The following LRP5 variants were observed in gnomAD, a reference collection of about 807,000 sequenced individuals.
LRP5 encodes low-density lipoprotein receptor-related protein 5.
LRP5 carries 62 observed loss-of-function variants against 154.1 expected under a neutral mutation model. The observed-to-expected ratio is 0.40, with a 90% CI of 0.33 to 0.50. The LOEUF (loss-of-function observed/expected upper bound fraction) is 0.50, where lower values mean the gene tolerates loss of function less well. Among genes scored for constraint, LRP5 ranks in the 20% least tolerant of loss-of-function variants. The pLI, the probability that LRP5 is intolerant of heterozygous loss-of-function variation, is 0.55. For missense variants in LRP5, 1,915 were observed against 2,336.7 expected, an observed-to-expected ratio of 0.82 and a Z score of 3.72; for synonymous variants, 966 against 1,011.5, an observed-to-expected ratio of 0.96 and a Z score of 0.85.
chr11:68,397,051 T>C (rs1331819969), intron 7 of LRP5, among the ~76,000 whole-genome samples: 1 of 152,144 alleles, frequency 6.6e-6, no homozygotes, highest in Non-Finnish European at 1.5e-5. Context: ...TTAGCCCTCT[T>C]CCTGAGTCTA....
At chr11:68,349,769 C>G (rs2098616739) in intron 2 of LRP5, among the ~76,000 whole-genome samples, 1 of 152,174 alleles carries the variant, frequency 6.6e-6, no homozygotes, top group Admixed American at 6.5e-5. Flanking sequence ...GACTCCCGAG[C>G]AGAGGGAACA....
At chr11:68,389,607 G>A (rs1399420353) in intron 6 of LRP5, among the ~76,000 whole-genome samples, 3 of 120,724 alleles carry the variant, frequency 2.5e-5, no homozygotes, top group Non-Finnish European at 5.9e-5. Flanking sequence ...TACCGACACC[G>A]ACATTTACCG....
At chr11:68,321,012 G>A (rs184963957) in intron 1 of LRP5, among the ~76,000 whole-genome samples, 262 of 150,050 alleles carry the variant, frequency 1.7e-3, no homozygotes, top group African/African-American at 6.0e-3. Context: ...TTTCTTCCAG[G>A]ACTGTTACTG....
At chr11:68,312,898 C>A in intron 1 of LRP5, 93 bp downstream of exon 1, 2 of 691,398 alleles carry the variant, frequency 2.9e-6, no homozygotes, top group Non-Finnish European at 3.6e-6. Context: ...GCCGCCGTCT[C>A]GGAAGCGACT....
At chr11:68,396,453 C>T (rs1451982304) in intron 7 of LRP5, among the ~76,000 whole-genome samples, 1 of 152,168 alleles carries the variant, frequency 6.6e-6, no homozygotes, top group Non-Finnish European at 1.5e-5. Flanking sequence ...TAGCCGGGCT[C>T]TGCCTTTGAA....
intron 20 of LRP5, 113 bp from the exon 21 acceptor site, chr11:68,439,664 C>A: frequency 8.6e-7 from 1 of 1,168,124 alleles, no homozygotes. Flanking sequence ...CAGGACACAC[C>A]GCCCTGGTCT....
At chr11:68,366,967 G>A (rs2098631419) in intron 5 of LRP5, among the ~76,000 whole-genome samples, 1 of 150,656 alleles carries the variant, frequency 6.6e-6, no homozygotes, top group Non-Finnish European at 1.5e-5. Flanking sequence ...ACAGAATCCC[G>A]GGCCTCTGGC....
At chr11:68,372,382 T>C (rs2098634591) in intron 5 of LRP5, among the ~76,000 whole-genome samples, 1 of 68,976 alleles carries the variant, frequency 1.4e-5, no homozygotes, top group Non-Finnish European at 2.8e-5. Context: ...CCCGGGACCG[T>C]GGTGGTGTTG....
In LRP5 at chr11:68,318,972, C is replaced by T. The variant is rs534326704; in HGVS notation, c.91+6167C>T. On this transcript the variant is annotated intron_variant, in intron 1 of 22. Transcript: ENST00000294304. ...GCACGGAGCTTCACGTTTTTTCTCCCTTCAGGATCCTGAGGCCTCTGGATC... is the reference window on the plus strand; with the variant it reads ...GCACGGAGCTTCACGTTTTTTCTCCTTTCAGGATCCTGAGGCCTCTGGATC... 9.8e-5 allele frequency among the ~76,000 whole-genome samples: 15 copies of T among 152,336 alleles called. 1 individual carries two copies. Among genetic ancestry groups the T allele is most frequent in the African/African-American group, 3.6e-4 (15 of 41,572 alleles).
intron 7 of LRP5, among the ~76,000 whole-genome samples, chr11:68,401,735 C>T (rs1176446195): frequency 6.6e-6 from 1 of 152,148 alleles, no homozygotes; most frequent in Non-Finnish European, 1.5e-5. Flanking sequence ...GTCACCCAGG[C>T]TGGAGTGCAA....
chr11:68,314,047 C>T (rs758358633), intron 1 of LRP5, among the ~76,000 whole-genome samples: 2 of 152,318 alleles, frequency 1.3e-5, no homozygotes, highest in Non-Finnish European at 2.9e-5. Context: ...AGCGTGTTTA[C>T]ATTGTGGGGC....
Position 68,410,136 on chromosome 11 carries a change from A to G in LRP5, c.2314A>G (p.Lys772Glu). 1.2e-6 allele frequency: 2 copies of G among 1,613,396 alleles called. No homozygotes were observed. Among genetic ancestry groups the G allele is most frequent in the Non-Finnish European group, 1.7e-6 (2 of 1,179,780 alleles). Reference sequence around the variant, plus strand: ...GAGGTCGCTGGCCCTGGATCCCACCAAGGGGTAAGTGTTTGCCTGTCCCGT... The same window carrying G: ...GAGGTCGCTGGCCCTGGATCCCACCGAGGGGTAAGTGTTTGCCTGTCCCGT... ...NPRSLALDPT[K>E]GYIYWTEWGG... Residue 772 changes from lysine to glutamate, a missense_variant, in exon 10 of 23, where the codon AAG becomes GAG. By Grantham distance (56) the Lys-to-Glu change is moderately conservative. This residue lies in a region of LRP5 where 773 missense variants were observed against 1,100.9 expected (regional missense o/e 0.70). Transcript: ENST00000294304.
In LRP5 at chr11:68,411,591, C is replaced by A. The variant is rs774885857; in HGVS notation, c.2474C>A (p.Thr825Asn). ...CGCCTCTACTGGACCGACCTGGACA[C>A]CAACATGATCGAGTCGTCCAACATG... Reference protein sequence around the residue: ...DQRLYWTDLDTNMIESSNMLG... With the variant: ...DQRLYWTDLDNNMIESSNMLG... The change falls in exon 11 of 23, where the codon ACC (threonine) becomes AAC (asparagine). Residue 825 changes from threonine (T) to asparagine (N), a missense_variant. Thr to Asn is a moderately conservative substitution (Grantham distance 65, BLOSUM62 0). This residue lies in a region of LRP5 where 1,094 missense variants were observed against 1,210.1 expected (regional missense o/e 0.90). Transcript: ENST00000294304. The A allele has an allele frequency of 6.2e-7, 1 of 1,612,914 alleles. No homozygotes were observed. Among genetic ancestry groups the A allele is most frequent in the African/African-American group, 1.3e-5 (1 of 74,940 alleles).
intron 7 of LRP5, among the ~76,000 whole-genome samples, chr11:68,396,401 G>C (rs1307245619): frequency 6.6e-6 from 1 of 152,176 alleles, no homozygotes. Flanking sequence ...CAGCTGGGCT[G>C]TGTGGAGCTG....
chr11:68,313,838 T>G (rs1158912552), intron 1 of LRP5, among the ~76,000 whole-genome samples: 2 of 152,230 alleles, frequency 1.3e-5, no homozygotes, highest in African/African-American at 4.8e-5. Flanking sequence ...GGCAAACAGC[T>G]GTCTCCCTGA....
chr11:68,327,047 G>A (rs983271109), intron 1 of LRP5, among the ~76,000 whole-genome samples: 4 of 152,332 alleles, frequency 2.6e-5, no homozygotes, highest in South Asian at 2.1e-4. Context: ...GGCCAAGGTG[G>A]GGGTTATCTG....
chr11:68,429,497 T>TGAGG, intron 16 of LRP5, 78 bp from the exon 17 acceptor site: 1 of 1,592,228 alleles, frequency 6.3e-7, no homozygotes, highest in South Asian at 1.1e-5. Context: ...AGTTCTCATT[T>TGAGG]GGCCCCTACC....
At chr11:68,351,744 T>C (rs951774453) in intron 2 of LRP5, among the ~76,000 whole-genome samples, 1 of 152,052 alleles carries the variant, frequency 6.6e-6, no homozygotes, top group Admixed American at 6.5e-5. Flanking sequence ...GGTAAATGAA[T>C]AGTATTTGAA....
At chr11:68,384,803 CT>C (rs751951073) in intron 5 of LRP5, among the ~76,000 whole-genome samples, 10 of 152,164 alleles carry the variant, frequency 6.6e-5, no homozygotes, top group African/African-American at 2.2e-4. Flanking sequence ...CTGAAGCCCA[CT>C]TGAGGGCCAT....
Sources: gnomAD v4.1 joint callset for allele counts (sites outside exome capture counted in the v4.1 genomes callset) on GRCh38, gnomAD v4.1.1 for gene constraint, gnomAD v4.1.1 regional missense constraint, MANE v1.5 for transcripts, NCBI Gene and HGNC (gene_info 2026-07-23, HGNC 2026-07-21) for gene names.